PTPRU: variants seen among roughly 807,000 people sequenced by gnomAD.
The protein encoded by PTPRU is protein tyrosine phosphatase receptor type U.
Under a neutral mutation model 166.3 loss-of-function variants are expected in PTPRU, and 69 were observed. The ratio of observed to expected loss-of-function variants is 0.41; its 90% CI spans 0.34 to 0.51. PTPRU has a LOEUF of 0.51. Among genes scored for constraint, PTPRU ranks in the 20% least tolerant of loss-of-function variants. The pLI, the probability that PTPRU is intolerant of heterozygous loss-of-function variation, is 0.09. For missense variants in PTPRU, 1,657 were observed against 2,013.7 expected, an observed-to-expected ratio of 0.82 and a Z score of 3.39; for synonymous variants, 793 against 814.0, an observed-to-expected ratio of 0.97 and a Z score of 0.44.
rs1426412143 is a variant in PTPRU, at chr1:29,291,625, C to T, written c.2319-244C>T. On this transcript the variant is annotated intron_variant, in intron 14 of 29. Coordinates refer to ENST00000373779, the MANE Select transcript of PTPRU (RefSeq NM_133178.4). The surrounding 1 kb of genome is among the most constrained non-coding windows in gnomAD (Gnocchi z 4.1). ...AGATCCCAGCCTGAAGCCACTGCTG[C>T]TCCACCCCTTTCCCTTAGCAAAGGT... Among the ~76,000 whole-genome samples the T allele has an allele frequency of 6.6e-6, 1 of 152,198 alleles. No individual in the cohort carries two copies. Among genetic ancestry groups the T allele is most frequent in the East Asian group, 1.9e-4 (1 of 5,172 alleles).
rs1687938131 is a variant in PTPRU, at chr1:29,317,210, C to G, written c.3514-538C>G. Among the ~76,000 whole-genome samples the G allele has an allele frequency of 6.6e-6, 1 of 152,108 alleles. No individual in the cohort carries two copies. The highest frequency in any genetic ancestry group is 2.4e-5 in the African/African-American group (1 of 41,430). On this transcript the variant is annotated intron_variant, in intron 24 of 29. Transcript: ENST00000373779. This position sits in a 1 kb window ranked among gnomAD's most constrained non-coding sequence, Gnocchi z 5.6. Reference sequence around the variant, plus strand: ...CGGGCGGAGGAGATGCCCCGGAGATCCAGGTGTGATTCAGTGCCCGGTGCT... The same window carrying G: ...CGGGCGGAGGAGATGCCCCGGAGATGCAGGTGTGATTCAGTGCCCGGTGCT...
Position 29,238,918 on chromosome 1 carries a change from C to T in PTPRU, c.73+2201C>T, listed in dbSNP as rs550716526. Among the ~76,000 whole-genome samples, 58 of 152,324 alleles carry T rather than the reference C, an allele frequency of 3.8e-4. No homozygotes were observed. The highest frequency in any genetic ancestry group is 1.4e-3 in the African/African-American group (57 of 41,582). ...ATTCTTGATGCCTCAGTTTCCTCTT[C>T]TGCCTCATAGCCATCATGATAATGG... On this transcript the variant is annotated intron_variant, in intron 1 of 29. Coordinates refer to ENST00000373779, the MANE Select transcript of PTPRU (RefSeq NM_133178.4). The surrounding 1 kb of genome is among the most constrained non-coding windows in gnomAD (Gnocchi z 6.1).
chr1:29,318,748 G>A (rs1303784503), intron 25 of PTPRU, among the ~76,000 whole-genome samples: 1 of 152,246 alleles, frequency 6.6e-6, no homozygotes, highest in Non-Finnish European at 1.5e-5. Context: ...CAGGGAGCAG[G>A]AGCAATTGAG....
chr1:29,252,074 G>T (rs1684569964), intron 1 of PTPRU, among the ~76,000 whole-genome samples: 1 of 152,118 alleles, frequency 6.6e-6, no homozygotes, highest in South Asian at 2.1e-4. Flanking sequence ...GCTGACCAGG[G>T]ATTTTCAAAC....
At position 29,236,726 on chromosome 1, in the gene PTPRU, G is replaced by C; in HGVS notation, c.73+9G>C. On this transcript the variant is annotated intron_variant, in intron 1 of 29. Coordinates refer to ENST00000373779, the MANE Select transcript of PTPRU (RefSeq NM_133178.4). The surrounding 1 kb of genome is among the most constrained non-coding windows in gnomAD (Gnocchi z 4.6). ...GACCGAGACTCCGGCAGGTAAGCGC[G>C]CGGCGGCCGGACCGAGCCTGCCCCG... The C allele has an allele frequency of 7.0e-7, 1 of 1,426,928 alleles. No homozygotes were observed. The highest frequency in any genetic ancestry group is 2.9e-5 in the East Asian group (1 of 34,652). 88.4% of individuals were successfully genotyped at this position (1,426,928 alleles called of 1,614,324 possible). A position where few individuals can be genotyped will look rare whatever the true frequency, so the allele number is the denominator to read the frequency against.
intron 15 of PTPRU, among the ~76,000 whole-genome samples, chr1:29,302,426 G>A (rs193036934): frequency 6.7e-4 from 102 of 152,230 alleles, no homozygotes; most frequent in African/African-American, 2.3e-3. Flanking sequence ...TCACAGTAGC[G>A]TACAGGAATG....
chr1:29,289,259 T>C (rs1247196429), intron 14 of PTPRU, among the ~76,000 whole-genome samples: 3 of 152,272 alleles, frequency 2.0e-5, no homozygotes, highest in South Asian at 4.1e-4. Flanking sequence ...TAAGTGAGTG[T>C]GTGTCAAGTG....
At chr1:29,282,217 A>G (rs1239601023) in intron 11 of PTPRU, among the ~76,000 whole-genome samples, 1 of 152,170 alleles carries the variant, frequency 6.6e-6, no homozygotes, top group Admixed American at 6.5e-5. Flanking sequence ...TTCTGAATGA[A>G]TGAATGAATG....
At chr1:29,286,890 C>CCT (rs544489753) in intron 14 of PTPRU, among the ~76,000 whole-genome samples, 27 of 152,310 alleles carry the variant, frequency 1.8e-4, no homozygotes, top group Admixed American at 6.5e-4. Flanking sequence ...CTCCTTACTT[C>CCT]CTCTAAAAGC....
chr1:29,266,010 GTTTT>G (rs34163524), intron 7 of PTPRU, among the ~76,000 whole-genome samples: 1,166 of 78,976 alleles, frequency 0.015, 1 homozygote, highest in African/African-American at 0.035. Flanking sequence ...TTTCTCCTGG[GTTTT>G]TTTTTTTTTT....
chr1:29,267,602 G>A (rs767935767), intron 7 of PTPRU, among the ~76,000 whole-genome samples: 1 of 152,228 alleles, frequency 6.6e-6, no homozygotes, highest in Non-Finnish European at 1.5e-5. Context: ...TGCTTGGCAC[G>A]TGCAAGGGGC....
In PTPRU at chr1:29,277,803, C is replaced by CTTTTTTTTTTTTTTTTTTTTTTTT. The variant is rs71586898; in HGVS notation, c.1454-1199_1454-1176dup. 3.8e-4 allele frequency among the ~76,000 whole-genome samples: 19 copies of CTTTTTTTTTTTTTTTTTTTTTTTT among 50,588 alleles called. 2 individuals are homozygous for CTTTTTTTTTTTTTTTTTTTTTTTT. The highest frequency in any genetic ancestry group is 1.0e-3 in the African/African-American group (11 of 10,908). The allele number at this position is 50,588 out of a possible 152,430, so 33.2% of individuals were successfully genotyped here. ...ACCATCTGGCTTCACAGTTGTCATT[C>CTTTTTTTTTTTTTTTTTTTTTTTT]TTTTTTTTTTTTTTTTTTTTTTTTT... On this transcript the variant is annotated intron_variant, in intron 8 of 29. Coordinates refer to ENST00000373779, the MANE Select transcript of PTPRU (RefSeq NM_133178.4).
rs1287016553 is a variant in PTPRU, at chr1:29,291,744, A to T, written c.2319-125A>T. The T allele has an allele frequency of 1.0e-6, 1 of 987,554 alleles. No homozygotes were observed. Among genetic ancestry groups the T allele is most frequent in the Non-Finnish European group, 1.5e-6 (1 of 667,438 alleles). The allele number at this position is 987,554 out of a possible 1,614,324, so 61.2% of individuals were successfully genotyped here. A position where few individuals can be genotyped will look rare whatever the true frequency, so the allele number is the denominator to read the frequency against. On this transcript the variant is annotated intron_variant, in intron 14 of 29. Transcript: ENST00000373779. The surrounding 1 kb of genome is among the most constrained non-coding windows in gnomAD (Gnocchi z 4.1). The stretch of plus-strand genomic sequence containing the variant: ...GGGGCAGAGCCCTCAGCATCCAGAG[A>T]TGCTTCTAGGACAGCTGCTGGCTCC...
intron 1 of PTPRU, among the ~76,000 whole-genome samples, chr1:29,251,326 C>T (rs1290948234): frequency 6.6e-6 from 1 of 151,720 alleles, no homozygotes; most frequent in African/African-American, 2.4e-5. Context: ...CCTTGGAGGT[C>T]ACCTTGGCCG....
At chr1:29,249,931 G>A (rs1298121791) in intron 1 of PTPRU, among the ~76,000 whole-genome samples, 1 of 152,182 alleles carries the variant, frequency 6.6e-6, no homozygotes, top group Admixed American at 6.5e-5. Context: ...GGTCCTCCAT[G>A]ATTGGCCTCA....
At position 29,292,191 on chromosome 1, in the gene PTPRU, G is replaced by A. The variant is rs4654300; in HGVS notation, c.2476+165G>A. 8.6e-3 allele frequency among the ~76,000 whole-genome samples: 1,305 copies of A among 152,324 alleles called. 14 individuals are homozygous for A. Among genetic ancestry groups the A allele is most frequent in the Non-Finnish European group, 0.014 (955 of 68,032 alleles). ...TGGATATAGAGCCAGCACAGGTGGC[G>A]TTTTTGCATTGTGTACTAGAGGAGC... On this transcript the variant is annotated intron_variant, in intron 15 of 29. Transcript: ENST00000373779.
intron 24 of PTPRU, 108 bp downstream of exon 24, chr1:29,316,259 C>A: frequency 7.6e-7 from 1 of 1,316,632 alleles, no homozygotes; most frequent in Non-Finnish European, 1.0e-6. Flanking sequence ...AGGGACCAGC[C>A]TGAGGCCACA....
At chr1:29,313,765 A>G (rs1423721330) in intron 22 of PTPRU, among the ~76,000 whole-genome samples, 1 of 152,164 alleles carries the variant, frequency 6.6e-6, no homozygotes, top group African/African-American at 2.4e-5. Context: ...TGAGGTGGGA[A>G]GTTTGTTTGA....
In PTPRU at chr1:29,259,807, C is replaced by A. The variant is rs1684958140; in HGVS notation, c.676-63C>A. The A allele has an allele frequency of 3.4e-6, 5 of 1,461,216 alleles. No individual in the cohort carries two copies. In the African/African-American group the frequency reaches 7.0e-5, roughly 21 times the overall value. The allele number at this position is 1,461,216 out of a possible 1,614,324, so 90.5% of individuals were successfully genotyped here. ...AGGGACGGCTAAATGGGGCCCGGGTCAGAGCGAGATCGGGACCCCTCGCTC... is the reference window on the plus strand; with the variant it reads ...AGGGACGGCTAAATGGGGCCCGGGTAAGAGCGAGATCGGGACCCCTCGCTC... On this transcript the variant is annotated intron_variant, in intron 5 of 29. Transcript: ENST00000373779.
Sources: gnomAD v4.1 joint callset for allele counts (sites outside exome capture counted in the v4.1 genomes callset) on GRCh38, gnomAD v4.1.1 for gene constraint, Gnocchi (gnomAD v3.1) non-coding constraint, MANE v1.5 for transcripts, NCBI Gene and HGNC (gene_info 2026-07-23, HGNC 2026-07-21) for gene names.